The following SF3A2 variants were observed in gnomAD, a reference collection of about 807,000 sequenced individuals.
SF3A2 encodes SAP 62.
SF3A2 carries 5 observed loss-of-function variants against 31.1 expected under a neutral mutation model. The observed-to-expected ratio is 0.16, with a 90% confidence interval of 0.08 to 0.34. SF3A2 has a LOEUF of 0.34. Among genes scored for constraint, SF3A2 ranks in the 10% least tolerant of loss-of-function variants. The probability of loss-of-function intolerance (pLI) is 1.00; values close to 1 mark genes in which losing one functional copy is unlikely to be tolerated. For missense variants in SF3A2, 577 were observed against 643.9 expected (o/e 0.90, Z 1.13); for synonymous variants, 365 against 263.7 (o/e 1.38, Z -3.72).
At chr19:2,242,830 A>C (rs7249235) in intron 1 of SF3A2, among the ~76,000 whole-genome samples, 129,400 of 152,072 alleles carry the variant, frequency 0.85, 55,571 homozygotes, top group Non-Finnish European at 0.91. Flanking sequence ...CAGATGTGGC[A>C]GATCTCCCAG....
chr19:2,243,356 C>T lies in SF3A2; in HGVS notation c.-37-26C>T, dbSNP rs1292298989. On this transcript the variant is annotated intron_variant, in intron 1 of 8. Coordinates refer to ENST00000221494, the MANE Select transcript of SF3A2 (RefSeq NM_007165.5). Reference sequence around the variant, plus strand: ...GCAGCCCCGAGTTCTGAGCCATCTTCCTCACTCTCCTCTTGGCCTCCACAG... The same window carrying T: ...GCAGCCCCGAGTTCTGAGCCATCTTTCTCACTCTCCTCTTGGCCTCCACAG... The T allele has an allele frequency of 3.4e-6, 5 of 1,463,874 alleles. No homozygotes were observed. The East Asian group carries it at 8.1e-5, about 24-fold the overall frequency. The allele number at this position is 1,463,874 out of a possible 1,614,324, so 90.7% of individuals were successfully genotyped here. A position where few individuals can be genotyped will look rare whatever the true frequency, so the allele number is the denominator to read the frequency against.
At chr19:2,243,179 G>A (rs1224477147) in intron 1 of SF3A2, among the ~76,000 whole-genome samples, 4 of 152,184 alleles carry the variant, frequency 2.6e-5, no homozygotes, top group Non-Finnish European at 5.9e-5. Context: ...CCTTGTGTCT[G>A]TGCCTGTCCA....
Position 2,248,014 on chromosome 19 carries a change from A to G in SF3A2, c.863A>G (p.His288Arg). The change falls in exon 9 of 9, where the codon CAC becomes CGC. Residue 288 changes from histidine to arginine, a missense_variant. This residue lies in a region of SF3A2 where 462 missense variants were observed against 339.1 expected (regional missense o/e 1.36). Transcript: ENST00000221494. ...CTACCCCCGCCAGCTCCAGGGGTCCACCCCCCGGCCCCAGTGGTGCATCCC... is the reference window on the plus strand; with the variant it reads ...CTACCCCCGCCAGCTCCAGGGGTCCGCCCCCCGGCCCCAGTGGTGCATCCC... Reference protein sequence around the residue: ...PQLPPPAPGVHPPAPVVHPPA... With the variant: ...PQLPPPAPGVRPPAPVVHPPA... 2.4e-6 allele frequency: 2 copies of G among 829,600 alleles called. No individual in the cohort carries two copies. The highest frequency in any genetic ancestry group is 1.8e-6 in the Non-Finnish European group (1 of 551,158). 51.4% of individuals were successfully genotyped at this position (829,600 alleles called of 1,614,324 possible). A position where few individuals can be genotyped will look rare whatever the true frequency, so the allele number is the denominator to read the frequency against.
At position 2,248,416 on chromosome 19, in the gene SF3A2, ACCCT is replaced by A; in HGVS notation, c.1267_1270del (p.Pro423SerfsTer22). The A allele has an allele frequency of 7.3e-7, 1 of 1,364,382 alleles. No individual in the cohort carries two copies. The highest frequency in any genetic ancestry group is 9.4e-7 in the Non-Finnish European group (1 of 1,063,926). The allele number at this position is 1,364,382 out of a possible 1,614,324, so 84.5% of individuals were successfully genotyped here. A position where few individuals can be genotyped will look rare whatever the true frequency, so the allele number is the denominator to read the frequency against. On this transcript the variant is annotated frameshift_variant, in exon 9 of 9. Coordinates refer to ENST00000221494, the MANE Select transcript of SF3A2 (RefSeq NM_007165.5). LOFTEE classifies it high-confidence loss of function. ...GTCCATCCGTCGGCTCCTGGGGTCC[ACCCT>A]CAGCCTCCGGGAGTTCACCCCTCAA...
chr19:2,245,393 C>G lies in SF3A2; in HGVS notation c.246-53C>G, dbSNP rs2145014002. ...GGGCTCCTGGCACCTGGGCCCATGG[C>G]TTTGGTGCCTGTGTGTGGAGGGGTC... On this transcript the variant is annotated intron_variant, in intron 4 of 8. Transcript: ENST00000221494. The surrounding 1 kb of genome is among the most constrained non-coding windows in gnomAD (Gnocchi z 4.2). The G allele has an allele frequency of 7.2e-7, 1 of 1,385,772 alleles. No homozygotes were observed. Among genetic ancestry groups the G allele is most frequent in the Non-Finnish European group, 1.0e-6 (1 of 1,000,204 alleles). 85.8% of individuals were successfully genotyped at this position (1,385,772 alleles called of 1,614,324 possible). A position where few individuals can be genotyped will look rare whatever the true frequency, so the allele number is the denominator to read the frequency against.
Position 2,247,036 on chromosome 19 carries a change from G to A in SF3A2, c.546+14G>A, listed in dbSNP as rs375073838. On this transcript the variant is annotated intron_variant, in intron 7 of 8. Coordinates refer to ENST00000221494, the MANE Select transcript of SF3A2 (RefSeq NM_007165.5). ...ATTGCCTTCAAGGTAGCGTGGCTGC[G>A]GGGTTCCCTGGGCCCCCTTGAGATG... is the stretch of plus-strand genomic sequence containing the variant. 1.5e-5 allele frequency: 18 copies of A among 1,228,964 alleles called. No individual in the cohort carries two copies. The highest frequency in any genetic ancestry group is 2.2e-4 in the Middle Eastern group (1 of 4,580). 76.1% of individuals were successfully genotyped at this position (1,228,964 alleles called of 1,614,324 possible).
Position 2,245,175 on chromosome 19 carries a change from CTCTTG to C in SF3A2, c.246-266_246-262del. 1 of 493,276 alleles carries C rather than the reference CTCTTG, an allele frequency of 2.0e-6. No homozygotes were observed. The highest frequency in any genetic ancestry group is 3.6e-6 in the Non-Finnish European group (1 of 279,670). 30.6% of individuals were successfully genotyped at this position (493,276 alleles called of 1,614,324 possible). ...CTCCATCCTGGGCGACAGAGTGAGA[CTCTTG>C]TCTTATTAAAAAAAAAAAAAAAGAG... On this transcript the variant is annotated intron_variant, in intron 4 of 8. Transcript: ENST00000221494. The surrounding 1 kb of genome is among the most constrained non-coding windows in gnomAD (Gnocchi z 4.2).
chr19:2,247,937 AC>A lies in SF3A2; in HGVS notation c.789del (p.Met264CysfsTer182). ...CCCCGCCAGGAGGCCTGCCTCTGCC[AC>A]CCATGCCCCCCACAGGGCCTGCGCC... Reference protein sequence around the residue: ...PPPPGGLPLPPMPPTGPAPSG... With the variant: ...PPPPGGLPLPXMPPTGPAPSG... On this transcript the variant is annotated frameshift_variant, in exon 9 of 9. Coordinates refer to ENST00000221494, the MANE Select transcript of SF3A2 (RefSeq NM_007165.5). LOFTEE classifies it low-confidence loss of function (END_TRUNC). The A allele has an allele frequency of 6.7e-7, 1 of 1,484,084 alleles. No homozygotes were observed. Among genetic ancestry groups the A allele is most frequent in the Non-Finnish European group, 9.1e-7 (1 of 1,095,540 alleles). 91.9% of individuals were successfully genotyped at this position (1,484,084 alleles called of 1,614,324 possible).
chr19:2,248,098 A>G lies in SF3A2; in HGVS notation c.947A>G (p.His316Arg). Residue 316 changes from histidine to arginine, a missense_variant, in exon 9 of 9, where the codon CAT becomes CGT. Transcript: ENST00000221494. ...PGVHPPAPGVHPPAPGVHPPT... is the reference protein window; with the variant it reads ...PGVHPPAPGVRPPAPGVHPPT... ...GTCCACCCCCCAGCTCCTGGCGTCC[A>G]TCCCCCAGCCCCTGGGGTCCACCCA... The G allele has an allele frequency of 9.9e-7, 1 of 1,010,886 alleles. No homozygotes were observed. Among genetic ancestry groups the G allele is most frequent in the Non-Finnish European group, 1.5e-6 (1 of 679,670 alleles). 62.6% of individuals were successfully genotyped at this position (1,010,886 alleles called of 1,614,324 possible).
At chr19:2,239,346 G>A (rs1355931060) in intron 1 of SF3A2, among the ~76,000 whole-genome samples, 2 of 106,198 alleles carry the variant, frequency 1.9e-5, no homozygotes, top group Non-Finnish European at 1.8e-5. Context: ...GACAGAGCGA[G>A]AATCCGTCTC....
At chr19:2,239,453 A>G (rs2024870333) in intron 1 of SF3A2, among the ~76,000 whole-genome samples, 2 of 151,470 alleles carry the variant, frequency 1.3e-5, no homozygotes, top group Admixed American at 1.3e-4. Context: ...ATCAGTTCCT[A>G]TGCTGGTTTC....
intron 1 of SF3A2, among the ~76,000 whole-genome samples, chr19:2,239,118 A>G (rs990107216): frequency 1.3e-5 from 2 of 152,208 alleles, no homozygotes; most frequent in African/African-American, 4.8e-5. Flanking sequence ...TAATCCCAGC[A>G]CTTTGGGAGG....
In SF3A2 at chr19:2,245,530, G is replaced by A. The variant is rs2024924266; in HGVS notation, c.330G>A (p.Val110=). Residue 110 remains valine, a synonymous_variant, in exon 5 of 9, where the codon GTG becomes GTA. Transcript: ENST00000221494. This position sits in a 1 kb window ranked among gnomAD's most constrained non-coding sequence, Gnocchi z 4.2. The part of the protein sequence containing the change: ...EKVKVEVKKF[V]KIGRPGYKVT... The stretch of plus-strand genomic sequence containing the variant: ...TCAAGGTGGAGGTGAAGAAGTTTGT[G>A]AAGATCGGCCGCCCGGGCTACAAAG... 6.4e-7 allele frequency: 1 copy of A among 1,551,110 alleles called. No individual in the cohort carries two copies. The highest frequency in any genetic ancestry group is 2.4e-5 in the East Asian group (1 of 40,920).
chr19:2,242,017 A>G (rs537560533), intron 1 of SF3A2, among the ~76,000 whole-genome samples: 1 of 152,256 alleles, frequency 6.6e-6, no homozygotes, highest in Non-Finnish European at 1.5e-5. Context: ...CTGGGCCCCC[A>G]TAGAGTAAGG....
rs1015867629 is a variant in SF3A2, at chr19:2,246,744, G to A, written c.356-9G>A. On this transcript the variant is annotated splice_polypyrimidine_tract_variant and intron_variant, in intron 5 of 8. Transcript: ENST00000221494. The surrounding 1 kb of genome is among the most constrained non-coding windows in gnomAD (Gnocchi z 5.5). ...AGCAGCCGGGACCTGAGAGCTTTCT[G>A]TGTTGCAGTGACCAAGCAGAGAGAC... is the stretch of plus-strand genomic sequence containing the variant. The A allele has an allele frequency of 6.2e-7, 1 of 1,613,950 alleles. No individual in the cohort carries two copies. Among genetic ancestry groups the A allele is most frequent in the Non-Finnish European group, 8.5e-7 (1 of 1,179,980 alleles).
At chr19:2,241,848 TG>T (rs1013216966) in intron 1 of SF3A2, among the ~76,000 whole-genome samples, 1 of 152,180 alleles carries the variant, frequency 6.6e-6, no homozygotes, top group African/African-American at 2.4e-5. Flanking sequence ...CGTGACAACA[TG>T]TAAAAATGGG....
In SF3A2 at chr19:2,248,439, C is replaced by G. The variant is rs1318861545; in HGVS notation, c.1288C>G (p.Pro430Ala). Residue 430 changes from proline to alanine, a missense_variant, in exon 9 of 9, where the codon CCC (proline) becomes GCC (alanine). Coordinates refer to ENST00000221494, the MANE Select transcript of SF3A2 (RefSeq NM_007165.5). The stretch of plus-strand genomic sequence containing the variant: ...CCACCCTCAGCCTCCGGGAGTTCAC[C>G]CCTCAAATCCTGGGGTGCACCCCCC... ...GVHPQPPGVH[P>A]SNPGVHPPTP... 1 of 1,365,988 alleles carries G rather than the reference C, an allele frequency of 7.3e-7. No individual in the cohort carries two copies. 84.6% of individuals were successfully genotyped at this position (1,365,988 alleles called of 1,614,324 possible).
chr19:2,246,333 T>C lies in SF3A2; in HGVS notation c.356-420T>C, dbSNP rs558684236. ...CAGCCATTCTCGGGGTCCAGGCTGC[T>C]GAGCTCTGGCGGGAAGGGCATCCTC... On this transcript the variant is annotated intron_variant, in intron 5 of 8. Coordinates refer to ENST00000221494, the MANE Select transcript of SF3A2 (RefSeq NM_007165.5). This position sits in a 1 kb window ranked among gnomAD's most constrained non-coding sequence, Gnocchi z 5.5. Among the ~76,000 whole-genome samples, 17 of 152,232 alleles carry C rather than the reference T, an allele frequency of 1.1e-4. No homozygotes were observed. Among genetic ancestry groups the C allele is most frequent in the Non-Finnish European group, 1.8e-4 (12 of 67,988 alleles).
At chr19:2,247,693 C>G (rs944179818) in intron 8 of SF3A2, 31 bp downstream of exon 8, 1 of 1,612,140 alleles carries the variant, frequency 6.2e-7, no homozygotes, top group African/African-American at 1.3e-5. Flanking sequence ...CTGGCTCCTT[C>G]CCACCCAGCC....
Sources: gnomAD v4.1 joint callset for allele counts (sites outside exome capture counted in the v4.1 genomes callset) on GRCh38, gnomAD v4.1.1 for gene constraint, gnomAD v4.1.1 regional missense constraint, Gnocchi (gnomAD v3.1) non-coding constraint, MANE v1.5 for transcripts, NCBI Gene and HGNC (gene_info 2026-07-23, HGNC 2026-07-21) for gene names.